Variants in RNF150 observed in about 807,000 individuals in gnomAD.
RNF150 encodes the protein ring finger protein 150.
In RNF150, 24 loss-of-function variants were observed where a neutral mutation model predicts 39.3. That is an observed-to-expected ratio of 0.61 (90% confidence interval 0.44 to 0.86). The LOEUF (loss-of-function observed/expected upper bound fraction) is 0.86, where lower values mean the gene tolerates loss of function less well. RNF150 is among the 40% of genes least tolerant of loss of function. The probability of loss-of-function intolerance (pLI) is 0.00; values close to 1 mark genes in which losing one functional copy is unlikely to be tolerated. For synonymous variants in RNF150, 255 were observed against 227.3 expected (o/e 1.12, Z -1.10); for missense variants, 502 against 587.8 (o/e 0.85, Z 1.51).
chr4:141,020,707 G>A (rs6838121), intron 1 of RNF150, among the ~76,000 whole-genome samples: 57,910 of 151,962 alleles, frequency 0.38, 11,381 homozygotes, highest in South Asian at 0.53. Flanking sequence ...AGCTCAGTCT[G>A]CCAATTACAG....
intron 1 of RNF150, among the ~76,000 whole-genome samples, chr4:141,121,091 C>A (rs1458976265): frequency 6.6e-6 from 1 of 152,118 alleles, no homozygotes; most frequent in African/African-American, 2.4e-5. Context: ...CTCAGAGTCA[C>A]CCCTTTACTG....
chr4:140,928,634 T>C (rs11100694), intron 4 of RNF150, among the ~76,000 whole-genome samples: 149,633 of 152,286 alleles, frequency 0.98, 73,575 homozygotes, highest in East Asian at 1. Context: ...GCAAGCTCCA[T>C]CTCCTGGGTT....
chr4:141,156,382 G>A (rs1477346563), intron 1 of RNF150, among the ~76,000 whole-genome samples: 1 of 152,098 alleles, frequency 6.6e-6, no homozygotes, highest in East Asian at 1.9e-4. Context: ...CTGTGCTCAA[G>A]CCATCCTCCT....
intron 5 of RNF150, among the ~76,000 whole-genome samples, chr4:140,912,597 C>A (rs569455287): frequency 6.6e-6 from 1 of 152,182 alleles, no homozygotes; most frequent in East Asian, 1.9e-4. Flanking sequence ...GGGCTGTTGT[C>A]CTAGTGTTGT....
In RNF150 at chr4:140,922,412, G is replaced by A. The variant is rs980270572; in HGVS notation, c.987+3565C>T. Among the ~76,000 whole-genome samples, 14 of 149,026 alleles carry A rather than the reference G, an allele frequency of 9.4e-5. 1 individual carries two copies. Among genetic ancestry groups the A allele is most frequent in the African/African-American group, 1.7e-4 (7 of 40,410 alleles). ...AAATACCTAGGAATCCAACTTATAC[G>A]GGACGGGAAGGACCTCTTCAAGGAG... is the stretch of plus-strand genomic sequence containing the variant. On this transcript the variant is annotated intron_variant, in intron 5 of 6. Coordinates refer to ENST00000515673, the MANE Select transcript of RNF150 (RefSeq NM_020724.2).
intron 1 of RNF150, among the ~76,000 whole-genome samples, chr4:141,082,580 AT>A (rs780389371): frequency 5.5e-5 from 8 of 144,654 alleles, no homozygotes; most frequent in Non-Finnish European, 9.0e-5. Context: ...GGATGAAATT[AT>A]TTTTTTTATT....
At chr4:140,920,060 G>A (rs557379435) in intron 5 of RNF150, among the ~76,000 whole-genome samples, 39 of 151,638 alleles carry the variant, frequency 2.6e-4, no homozygotes, top group Admixed American at 7.2e-4. Context: ...AGACTTAAAC[G>A]TTAGACCTAA....
intron 4 of RNF150, among the ~76,000 whole-genome samples, chr4:140,933,038 T>C (rs1219074295): frequency 6.6e-6 from 1 of 152,184 alleles, no homozygotes; most frequent in Non-Finnish European, 1.5e-5. Flanking sequence ...GTAAAATAAC[T>C]TATGGGGCTG....
intron 4 of RNF150, among the ~76,000 whole-genome samples, chr4:140,926,924 G>A (rs1731420093): frequency 6.6e-6 from 1 of 152,120 alleles, no homozygotes; most frequent in African/African-American, 2.4e-5. Flanking sequence ...TAAGTCTGAG[G>A]ACTTCCTCAG....
intron 1 of RNF150, among the ~76,000 whole-genome samples, chr4:141,090,426 C>A (rs1303786342): frequency 1.3e-5 from 2 of 151,986 alleles, no homozygotes; most frequent in Non-Finnish European, 2.9e-5. Context: ...GTGGATGTAA[C>A]CAAACAAAAT....
intron 6 of RNF150, among the ~76,000 whole-genome samples, chr4:140,891,142 C>T (rs1729739896): frequency 6.6e-6 from 1 of 152,074 alleles, no homozygotes; most frequent in South Asian, 2.1e-4. Flanking sequence ...ATAGATTTGG[C>T]CAAGAATTGT....
chr4:141,193,152 G>C (rs1359933510), intron 1 of RNF150, among the ~76,000 whole-genome samples: 3 of 152,206 alleles, frequency 2.0e-5, no homozygotes, highest in Admixed American at 2.0e-4. Context: ...CCCATGTAAT[G>C]TAATGTAAGC....
At chr4:141,194,076 T>C (rs370437293) in intron 1 of RNF150, among the ~76,000 whole-genome samples, 1 of 152,326 alleles carries the variant, frequency 6.6e-6, no homozygotes, top group African/African-American at 2.4e-5. Flanking sequence ...GAAACACACA[T>C]ATTGTATACG....
At chr4:140,897,079 A>G (rs1729988762) in intron 6 of RNF150, among the ~76,000 whole-genome samples, 1 of 152,176 alleles carries the variant, frequency 6.6e-6, no homozygotes, top group Non-Finnish European at 1.5e-5. Flanking sequence ...AACACACAGC[A>G]CAGGTCTCTT....
At chr4:141,209,178 G>A (rs912423584) in intron 1 of RNF150, among the ~76,000 whole-genome samples, 11 of 151,852 alleles carry the variant, frequency 7.2e-5, no homozygotes, top group African/African-American at 1.9e-4. Flanking sequence ...GGCAAATTGC[G>A]TTTCCCGACA....
Position 141,155,449 on chromosome 4 carries a change from A to G in RNF150, c.-6+57345T>C, listed in dbSNP as rs562650956. On this transcript the variant is annotated intron_variant, in intron 1 of 7. Coordinates refer to the RNF150 transcript ENST00000420921. ...GCAGCCTGCAAGCCGGCCATCCTACAGGCCGAGAAGCATAGATTCTGGCAG... is the reference window on the plus strand; with the variant it reads ...GCAGCCTGCAAGCCGGCCATCCTACGGGCCGAGAAGCATAGATTCTGGCAG... Among the ~76,000 whole-genome samples the G allele has an allele frequency of 8.6e-4, 131 of 152,098 alleles. 1 individual carries two copies. The highest frequency in any genetic ancestry group is 1.5e-3 in the Non-Finnish European group (102 of 68,028).
chr4:141,087,584 C>T (rs1331120016), intron 1 of RNF150, among the ~76,000 whole-genome samples: 1 of 152,066 alleles, frequency 6.6e-6, no homozygotes, highest in African/African-American at 2.4e-5. Context: ...TTTTGAAATG[C>T]TGGTTGTACA....
chr4:140,969,436 T>G (rs747595013), intron 1 of RNF150, among the ~76,000 whole-genome samples: 3 of 152,092 alleles, frequency 2.0e-5, no homozygotes, highest in Non-Finnish European at 2.9e-5. Flanking sequence ...CGCCTTTTCT[T>G]TTCATTTTTA....
At chr4:140,957,506 A>G (rs572680583) in intron 2 of RNF150, among the ~76,000 whole-genome samples, 41 of 152,336 alleles carry the variant, frequency 2.7e-4, no homozygotes, top group Non-Finnish European at 5.0e-4. Flanking sequence ...TTCCTCAGGG[A>G]TCTAGAACTA....
Sources: gnomAD v4.1 joint callset for allele counts (sites outside exome capture counted in the v4.1 genomes callset) on GRCh38, gnomAD v4.1.1 for gene constraint, MANE v1.5 for transcripts, NCBI Gene and HGNC (gene_info 2026-07-23, HGNC 2026-07-21) for gene names.